Variants in ADGRG7 observed in about 807,000 individuals in gnomAD.
ADGRG7 encodes the protein adhesion G protein-coupled receptor G7.
A neutral mutation model predicts 88.6 loss-of-function variants in ADGRG7; 82 were observed. The observed-to-expected ratio is 0.93, with a 90% CI of 0.77 to 1.11. The LOEUF (loss-of-function observed/expected upper bound fraction) is 1.11. ADGRG7 is among the 50% of genes most tolerant of loss of function. ADGRG7 has a pLI of 0.00. For missense variants in ADGRG7, 945 were observed against 953.4 expected (o/e 0.99, Z 0.12); for synonymous variants, 381 against 345.2 (o/e 1.10, Z -1.15).
intron 1 of ADGRG7, among the ~76,000 whole-genome samples, chr3:100,621,928 T>C (rs1046033672): frequency 6.6e-6 from 1 of 152,222 alleles, no homozygotes; most frequent in Non-Finnish European, 1.5e-5. Flanking sequence ...CATTCACCAG[T>C]GGTTTCGAGA....
At chr3:100,627,894 T>G (rs1464503907) in intron 1 of ADGRG7, among the ~76,000 whole-genome samples, 1 of 152,196 alleles carries the variant, frequency 6.6e-6, no homozygotes, top group African/African-American at 2.4e-5. Context: ...TCTTTTCCCC[T>G]TCTAGGACTC....
intron 15 of ADGRG7, among the ~76,000 whole-genome samples, chr3:100,692,279 G>C (rs1289631153): frequency 6.6e-6 from 1 of 152,290 alleles, no homozygotes. Flanking sequence ...ATGGATGGGT[G>C]CCTGCCACTA....
intron 15 of ADGRG7, among the ~76,000 whole-genome samples, chr3:100,680,256 C>T (rs1290106955): frequency 1.3e-5 from 2 of 152,088 alleles, no homozygotes; most frequent in East Asian, 1.9e-4. Flanking sequence ...TACTTTTTGT[C>T]ATAAAGTCTA....
intron 15 of ADGRG7, among the ~76,000 whole-genome samples, chr3:100,691,274 T>C (rs1194219528): frequency 2.6e-5 from 4 of 152,196 alleles, no homozygotes; most frequent in Non-Finnish European, 5.9e-5. Flanking sequence ...CCCCTTTCTT[T>C]GACTAGGAAA....
Position 100,694,845 on chromosome 3 carries a change from A to G in ADGRG7, c.2238A>G (p.Ser746=). Residue 746 remains serine, a synonymous_variant, in exon 16 of 16, where the codon TCA becomes TCG. Transcript: ENST00000273352. The part of the protein sequence containing the change: ...MLLSSIGRRK[S]LPSVTRPRLR... ...TATCGTCTATTGGGAGAAGGAAGTC[A>G]TTGCCTTCAGTGACGCGGCCGAGGC... is the stretch of plus-strand genomic sequence containing the variant. 1 of 1,614,196 alleles carries G rather than the reference A, an allele frequency of 6.2e-7. No homozygotes were observed. The highest frequency in any genetic ancestry group is 8.5e-7 in the Non-Finnish European group (1 of 1,180,038).
chr3:100,657,350 C>T lies in ADGRG7; in HGVS notation c.1823+1355C>T, dbSNP rs533085093. On this transcript the variant is annotated intron_variant, in intron 13 of 15. Transcript: ENST00000273352. ...AGTTATTCTCCTAGCAGTTGCTCCT[C>T]AAGAGCCTGTGCACTCCCCTGTTGC... Among the ~76,000 whole-genome samples, 356 of 152,312 alleles carry T rather than the reference C, an allele frequency of 2.3e-3. 1 individual carries two copies. The highest frequency in any genetic ancestry group is 8.4e-3 in the African/African-American group (348 of 41,558).
intron 14 of ADGRG7, among the ~76,000 whole-genome samples, chr3:100,668,484 C>T (rs992457885): frequency 1.3e-5 from 2 of 152,200 alleles, no homozygotes; most frequent in Admixed American, 6.5e-5. Flanking sequence ...AAGTAAGTCA[C>T]ATGGCCAAGC....
intron 8 of ADGRG7, 26 bp downstream of exon 8, chr3:100,643,659 A>T (rs941426462): frequency 3.4e-6 from 5 of 1,458,278 alleles, no homozygotes; most frequent in Non-Finnish European, 4.8e-6. Context: ...TGTGACATTT[A>T]AAAAAATGGA....
At chr3:100,635,233 T>A (rs143971487) in intron 4 of ADGRG7, among the ~76,000 whole-genome samples, 1 of 143,204 alleles carries the variant, frequency 7.0e-6, no homozygotes, top group African/African-American at 2.5e-5. Flanking sequence ...TGTGAAATAA[T>A]AAAAATAAAT....
At chr3:100,645,525 C>T (rs1351617578) in intron 8 of ADGRG7, among the ~76,000 whole-genome samples, 1 of 152,176 alleles carries the variant, frequency 6.6e-6, no homozygotes, top group Non-Finnish European at 1.5e-5. Flanking sequence ...ATCCTGGTGT[C>T]CCAAGCTTTG....
At chr3:100,625,891 G>T (rs1707373483) in intron 1 of ADGRG7, among the ~76,000 whole-genome samples, 1 of 152,224 alleles carries the variant, frequency 6.6e-6, no homozygotes, top group Non-Finnish European at 1.5e-5. Flanking sequence ...ACTTGATCGT[G>T]GTGGATAAGC....
At chr3:100,661,536 T>C (rs2094945295) in intron 14 of ADGRG7, among the ~76,000 whole-genome samples, 1 of 152,208 alleles carries the variant, frequency 6.6e-6, no homozygotes, top group Non-Finnish European at 1.5e-5. Context: ...TGCCAGTTGT[T>C]GGTTTTTTTA....
chr3:100,672,745 T>G (rs1343094140), intron 15 of ADGRG7, among the ~76,000 whole-genome samples: 2 of 152,172 alleles, frequency 1.3e-5, no homozygotes, highest in African/African-American at 2.4e-5. Context: ...ATACCTAGTT[T>G]ATTGAGAAGT....
intron 1 of ADGRG7, among the ~76,000 whole-genome samples, chr3:100,616,394 TA>T (rs1707225226): frequency 6.6e-6 from 1 of 150,494 alleles, no homozygotes; most frequent in Admixed American, 6.6e-5. Flanking sequence ...AGGAGAAAAA[TA>T]AAAAAAGAAA....
At chr3:100,654,519 A>G (rs2094934868) in intron 11 of ADGRG7, 1 of 237,112 alleles carries the variant, frequency 4.2e-6, no homozygotes, top group Non-Finnish European at 8.2e-6. Context: ...GGGACTACGC[A>G]GGGCTACCTA....
At chr3:100,637,449 T>C (rs776123343) in intron 6 of ADGRG7, 47 bp downstream of exon 6, 4 of 1,285,266 alleles carry the variant, frequency 3.1e-6, no homozygotes, top group Non-Finnish European at 4.5e-6. Flanking sequence ...AAGGGCTGTT[T>C]ACTTTCCTAG....
chr3:100,662,961 T>C (rs2094947444), intron 14 of ADGRG7, among the ~76,000 whole-genome samples: 1 of 152,126 alleles, frequency 6.6e-6, no homozygotes, highest in South Asian at 2.1e-4. Flanking sequence ...TTTGAGAACA[T>C]TTTAGAGCAT....
chr3:100,689,941 G>A (rs1333876418), intron 15 of ADGRG7, among the ~76,000 whole-genome samples: 1 of 152,182 alleles, frequency 6.6e-6, no homozygotes, highest in Admixed American at 6.5e-5. Context: ...GATTGGGGAA[G>A]TTCTCCTGGA....
intron 1 of ADGRG7, among the ~76,000 whole-genome samples, chr3:100,610,393 G>C (rs528821849): frequency 6.6e-6 from 1 of 152,226 alleles, no homozygotes; most frequent in African/African-American, 2.4e-5. Flanking sequence ...ACACAGAATG[G>C]AATTTCATTT....
Sources: gnomAD v4.1 joint callset for allele counts (sites outside exome capture counted in the v4.1 genomes callset) on GRCh38, gnomAD v4.1.1 for gene constraint, MANE v1.5 for transcripts, NCBI Gene and HGNC (gene_info 2026-07-23, HGNC 2026-07-21) for gene names.